TMEM132C: variants seen among roughly 807,000 people sequenced by gnomAD.
TMEM132C encodes transmembrane protein 132C, also known as protein phosphatase 1, regulatory subunit 152.
Under a neutral mutation model 61.4 loss-of-function variants are expected in TMEM132C, and 29 were observed. That is an observed-to-expected ratio of 0.47 (90% confidence interval 0.35 to 0.64). The LOEUF (loss-of-function observed/expected upper bound fraction) is 0.64. Ranked by LOEUF, TMEM132C falls within the 30% of genes least tolerant of loss-of-function variation. The pLI is 0.00. For missense variants in TMEM132C, 1,408 were observed against 1,476.9 expected, an observed-to-expected ratio of 0.95 and a Z score of 0.76; for synonymous variants, 656 against 633.1, an observed-to-expected ratio of 1.04 and a Z score of -0.54.
chr12:128,426,689 C>T (rs901555867), intron 2 of TMEM132C, among the ~76,000 whole-genome samples: 2 of 152,164 alleles, frequency 1.3e-5, no homozygotes, highest in Admixed American at 6.5e-5. Flanking sequence ...TTTCCTGCTA[C>T]ATCCCCTGTC....
intron 2 of TMEM132C, among the ~76,000 whole-genome samples, chr12:128,425,765 G>A (rs75815995): frequency 5.3e-5 from 8 of 152,174 alleles, no homozygotes; most frequent in East Asian, 1.9e-4. Flanking sequence ...CCCTGTCTTC[G>A]TGTGAATTTT....
intron 1 of TMEM132C, among the ~76,000 whole-genome samples, chr12:128,331,970 C>G (rs1047738519): frequency 5.3e-5 from 8 of 152,112 alleles, no homozygotes; most frequent in African/African-American, 1.7e-4. Flanking sequence ...GTATCTTTCT[C>G]CAGTTTATTT....
intron 4 of TMEM132C, among the ~76,000 whole-genome samples, chr12:128,625,531 G>A (rs1484668830): frequency 2.0e-5 from 3 of 152,204 alleles, no homozygotes; most frequent in East Asian, 1.9e-4. Context: ...TGGAAGGCAA[G>A]GAGGAGCAAG....
chr12:128,415,620 G>T lies in TMEM132C; in HGVS notation c.974G>T (p.Arg325Ile). 1 of 1,520,386 alleles carries T rather than the reference G, an allele frequency of 6.6e-7. No individual in the cohort carries two copies. The highest frequency in any genetic ancestry group is 8.9e-7 in the Non-Finnish European group (1 of 1,128,444). The allele number at this position is 1,520,386 out of a possible 1,614,324, so 94.2% of individuals were successfully genotyped here. A position where few individuals can be genotyped will look rare whatever the true frequency, so the allele number is the denominator to read the frequency against. The change falls in exon 2 of 9, where the codon AGA becomes ATA. Residue 325 changes from arginine to isoleucine, a missense_variant and splice_region_variant. Physicochemically the swap from Arg to Ile is moderately conservative, Grantham distance 97 (BLOSUM62 -3). Coordinates refer to ENST00000435159, the MANE Select transcript of TMEM132C (RefSeq NM_001136103.3). This position sits in a 1 kb window ranked among gnomAD's most constrained non-coding sequence, Gnocchi z 5.8. ...TCCTCTGTGGACCTCTTCATCTTGA[G>T]GTAGGTGCCCATGCTTGCCCCTGAT... is the stretch of plus-strand genomic sequence containing the variant. ...SNSSVDLFIL[R>I]AKVKKGVNIL...
intron 1 of TMEM132C, among the ~76,000 whole-genome samples, chr12:128,317,497 A>G (rs1872191689): frequency 6.6e-6 from 1 of 152,236 alleles, no homozygotes; most frequent in South Asian, 2.1e-4. Context: ...GCTGAAAAGA[A>G]AGTTTGATAT....
chr12:128,340,111 T>A (rs991890659), intron 1 of TMEM132C, among the ~76,000 whole-genome samples: 1 of 152,240 alleles, frequency 6.6e-6, no homozygotes, highest in African/African-American at 2.4e-5. Flanking sequence ...CTGTTGTTTC[T>A]TTTTTGCTTT....
At chr12:128,622,009 A>T (rs1012994537) in intron 4 of TMEM132C, among the ~76,000 whole-genome samples, 1 of 152,028 alleles carries the variant, frequency 6.6e-6, no homozygotes, top group African/African-American at 2.4e-5. Flanking sequence ...CGCTCCCTCT[A>T]GACTCTCTTT....
chr12:128,364,649 C>G (rs1253832826), intron 1 of TMEM132C, among the ~76,000 whole-genome samples: 3 of 152,212 alleles, frequency 2.0e-5, no homozygotes, highest in African/African-American at 7.2e-5. Flanking sequence ...CAGACAGAGA[C>G]CCGGGTGGCA....
Position 128,669,546 on chromosome 12 carries a change from G to A in TMEM132C, c.1435G>A (p.Glu479Lys), listed in dbSNP as rs1390516937. The A allele has an allele frequency of 1.2e-5, 19 of 1,551,432 alleles. No homozygotes were observed. The highest frequency in any genetic ancestry group is 2.4e-5 in the East Asian group (1 of 40,942). Residue 479 changes from glutamate (E) to lysine (K), a missense_variant, in exon 5 of 9, where the codon GAG becomes AAG. Coordinates refer to ENST00000435159, the MANE Select transcript of TMEM132C (RefSeq NM_001136103.3). Reference protein sequence around the residue: ...SESVECKSTDEDVIKVSERCD... With the variant: ...SESVECKSTDKDVIKVSERCD... ...GTCGGTGGAGTGCAAGTCCACAGACGAGGACGTTATCAAAGTAAGTCATTC... is the reference window on the plus strand; with the variant it reads ...GTCGGTGGAGTGCAAGTCCACAGACAAGGACGTTATCAAAGTAAGTCATTC...
Position 128,364,369 on chromosome 12 carries a change from C to T in TMEM132C, c.86-50363C>T, listed in dbSNP as rs141713935. Among the ~76,000 whole-genome samples, 575 of 149,188 alleles carry T rather than the reference C, an allele frequency of 3.9e-3. 9 individuals carry two copies. Among genetic ancestry groups the T allele is most frequent in the East Asian group, 3.5e-3 (17 of 4,812 alleles). On this transcript the variant is annotated intron_variant, in intron 1 of 8. Transcript: ENST00000435159. ...TCAGTCACACACACTTAGCTAAGCT[C>T]GCAGAGTCTTTCTGTTGGACGACTG...
Position 128,427,428 on chromosome 12 carries a change from G to GTGTATA in TMEM132C, c.974+11809_974+11810insGTATAT, listed in dbSNP as rs1359402190. On this transcript the variant is annotated intron_variant, in intron 2 of 8. Transcript: ENST00000435159. ...TGTGTGTGTGTGTGTGTGTGTGTGT[G>GTGTATA]TATATATATTTAAGGAGGGTGGTGG... Among the ~76,000 whole-genome samples the GTGTATA allele has an allele frequency of 6.3e-4, 82 of 129,274 alleles. 2 individuals are homozygous for GTGTATA. Among genetic ancestry groups the GTGTATA allele is most frequent in the South Asian group, 4.3e-3 (15 of 3,476 alleles). 84.8% of individuals were successfully genotyped at this position (129,274 alleles called of 152,430 possible). A position where few individuals can be genotyped will look rare whatever the true frequency, so the allele number is the denominator to read the frequency against.
chr12:128,487,630 T>TGC (rs1565950782), intron 2 of TMEM132C, among the ~76,000 whole-genome samples: 1 of 144,202 alleles, frequency 6.9e-6, no homozygotes, highest in Non-Finnish European at 1.5e-5. Context: ...TATATATATA[T>TGC]GCATGCATAT....
chr12:128,593,633 C>G (rs1875838634), intron 3 of TMEM132C, among the ~76,000 whole-genome samples: 1 of 152,206 alleles, frequency 6.6e-6, no homozygotes, highest in African/African-American at 2.4e-5. Context: ...AGGCCGGTGC[C>G]TACTTTACGG....
rs114525512 is a variant in TMEM132C at position 128,607,642 on chromosome 12, A to G, written c.1122-8510A>G. 5.0e-3 allele frequency among the ~76,000 whole-genome samples: 766 copies of G among 152,288 alleles called. 6 individuals are homozygous for G. The highest frequency in any genetic ancestry group is 0.017 in the African/African-American group (723 of 41,550). On this transcript the variant is annotated intron_variant, in intron 3 of 8. Transcript: ENST00000435159. ...TGGACTAGGTGTGGCATGTGAAAGA[A>G]AGAGAGCATTCAAGAATGACTCCTG...
intron 2 of TMEM132C, among the ~76,000 whole-genome samples, chr12:128,507,865 C>T (rs1298177076): frequency 6.6e-6 from 1 of 152,104 alleles, no homozygotes; most frequent in Non-Finnish European, 1.5e-5. Flanking sequence ...ACCTGAGGAC[C>T]ATTTTGTAAA....
intron 4 of TMEM132C, among the ~76,000 whole-genome samples, chr12:128,623,605 G>A (rs539228759): frequency 3.9e-5 from 6 of 152,044 alleles, no homozygotes; most frequent in East Asian, 3.9e-4. Context: ...TCAGGAGTTC[G>A]AAACCAGCCT....
intron 2 of TMEM132C, among the ~76,000 whole-genome samples, chr12:128,473,512 A>G (rs1248703140): frequency 2.0e-5 from 3 of 147,990 alleles, no homozygotes; most frequent in Non-Finnish European, 1.5e-5. Flanking sequence ...TCCAGCCTCC[A>G]TCTTCATCTT....
chr12:128,344,404 C>T (rs1269635838), intron 1 of TMEM132C, among the ~76,000 whole-genome samples: 3 of 152,136 alleles, frequency 2.0e-5, no homozygotes, highest in South Asian at 2.1e-4. Context: ...GTGATCCACC[C>T]GCCTCGGCCT....
At chr12:128,411,089 G>T (rs1364054064) in intron 1 of TMEM132C, among the ~76,000 whole-genome samples, 1 of 152,136 alleles carries the variant, frequency 6.6e-6, no homozygotes, top group African/African-American at 2.4e-5. Flanking sequence ...CTTATTCTCT[G>T]TGTGTGCATG....
Sources: gnomAD v4.1 joint callset for allele counts (sites outside exome capture counted in the v4.1 genomes callset) on GRCh38, gnomAD v4.1.1 for gene constraint, Gnocchi (gnomAD v3.1) non-coding constraint, MANE v1.5 for transcripts, NCBI Gene and HGNC (gene_info 2026-07-23, HGNC 2026-07-21) for gene names.